Variants in PDGFC observed in about 807,000 individuals in gnomAD.
PDGFC encodes platelet-derived growth factor C.
PDGFC carries 12 observed loss-of-function variants against 35.5 expected under a neutral mutation model. That is an observed-to-expected ratio of 0.34 (90% CI 0.22 to 0.55). PDGFC has a LOEUF of 0.55. Among genes scored for constraint, PDGFC ranks in the 20% least tolerant of loss-of-function variants. The probability of loss-of-function intolerance (pLI) is 0.91; values close to 1 mark genes in which losing one functional copy is unlikely to be tolerated. For synonymous variants in PDGFC, 159 were observed against 148.8 expected (o/e 1.07, Z -0.50); for missense variants, 322 against 412.4 (o/e 0.78, Z 1.90).
chr4:156,773,279 A>C (rs940811156), intron 3 of PDGFC, among the ~76,000 whole-genome samples: 7 of 152,214 alleles, frequency 4.6e-5, no homozygotes, highest in African/African-American at 1.7e-4. Context: ...GTAGTTATGC[A>C]AATTAGTGTC....
chr4:156,961,520 G>A (rs964794547), intron 1 of PDGFC, among the ~76,000 whole-genome samples: 4 of 152,082 alleles, frequency 2.6e-5, no homozygotes, highest in South Asian at 2.1e-4. Context: ...AAAATGGCAT[G>A]GCATCAAGAT....
intron 3 of PDGFC, among the ~76,000 whole-genome samples, chr4:156,804,811 T>C (rs1466920214): frequency 6.6e-6 from 1 of 151,986 alleles, no homozygotes; most frequent in Non-Finnish European, 1.5e-5. Flanking sequence ...ATGGAAAGAG[T>C]TGTGAGGTTG....
Position 156,854,749 on chromosome 4 carries a change from A to G in PDGFC, c.119-4333T>C, listed in dbSNP as rs371433740. Among the ~76,000 whole-genome samples, 51 of 152,220 alleles carry G rather than the reference A, an allele frequency of 3.4e-4. No homozygotes were observed. The East Asian group carries it at 7.5e-3, about 22-fold the overall frequency. On this transcript the variant is annotated intron_variant, in intron 1 of 5. Transcript: ENST00000502773. ...TATTTTAGGGATGAGAAAAGTACCC[A>G]CTTGAGAATATTTTATTGAACATTT... is the stretch of plus-strand genomic sequence containing the variant.
chr4:156,845,773 G>C (rs1729312582), intron 2 of PDGFC, among the ~76,000 whole-genome samples: 1 of 151,740 alleles, frequency 6.6e-6, no homozygotes, highest in African/African-American at 2.4e-5. Flanking sequence ...TTATTAGTAA[G>C]TTAAATAAAA....
intron 3 of PDGFC, among the ~76,000 whole-genome samples, chr4:156,803,448 T>A (rs1731670168): frequency 6.6e-6 from 1 of 152,054 alleles, no homozygotes; most frequent in African/African-American, 2.4e-5. Flanking sequence ...GAAATATCTG[T>A]ATGTGTGGTA....
intron 1 of PDGFC, among the ~76,000 whole-genome samples, chr4:156,892,887 G>T (rs569064494): frequency 6.6e-6 from 1 of 152,244 alleles, no homozygotes; most frequent in South Asian, 2.1e-4. Flanking sequence ...TTTAACATCT[G>T]GGTACTTGCT....
chr4:156,855,628 T>C (rs1298682716), intron 1 of PDGFC, among the ~76,000 whole-genome samples: 2 of 152,204 alleles, frequency 1.3e-5, no homozygotes, highest in Non-Finnish European at 2.9e-5. Context: ...GTGAGATGCA[T>C]GTATTCCCCA....
At chr4:156,794,847 C>G (rs942512114) in intron 3 of PDGFC, among the ~76,000 whole-genome samples, 2 of 151,990 alleles carry the variant, frequency 1.3e-5, no homozygotes, top group African/African-American at 4.8e-5. Flanking sequence ...ATATATATAC[C>G]AAGACACGTT....
chr4:156,893,253 A>T (rs903456350), intron 1 of PDGFC, among the ~76,000 whole-genome samples: 2 of 152,176 alleles, frequency 1.3e-5, no homozygotes, highest in Admixed American at 1.3e-4. Context: ...ATTAAGTAGT[A>T]GCAATACATA....
In PDGFC at chr4:156,824,479, C is replaced by A. The variant is rs199566081; in HGVS notation, c.315-13462G>T. 1.8e-4 allele frequency among the ~76,000 whole-genome samples: 27 copies of A among 151,624 alleles called. No homozygotes were observed. In the East Asian group the frequency reaches 5.3e-3, roughly 29 times the overall value. ...CCTTCACTGTAGTAGAAGACAGATT[C>A]ATCAACAACTAGCAAAAATATTGAG... On this transcript the variant is annotated intron_variant, in intron 2 of 5. Transcript: ENST00000502773.
chr4:156,882,079 C>T (rs920678433), intron 1 of PDGFC, among the ~76,000 whole-genome samples: 3 of 152,052 alleles, frequency 2.0e-5, no homozygotes, highest in African/African-American at 7.2e-5. Flanking sequence ...TGTCTGCATG[C>T]AAACACGCAA....
intron 1 of PDGFC, among the ~76,000 whole-genome samples, chr4:156,909,362 A>G (rs1225392969): frequency 2.6e-5 from 4 of 152,212 alleles, no homozygotes; most frequent in East Asian, 3.8e-4. Context: ...AAACTTCTCT[A>G]AAGTTGGGAC....
intron 3 of PDGFC, among the ~76,000 whole-genome samples, chr4:156,803,073 C>T (rs901434070): frequency 6.6e-6 from 1 of 152,106 alleles, no homozygotes; most frequent in African/African-American, 2.4e-5. Context: ...CAGAAGGAGA[C>T]TGCAAGGATG....
At chr4:156,820,221 T>C (rs921154828) in intron 2 of PDGFC, among the ~76,000 whole-genome samples, 1 of 152,192 alleles carries the variant, frequency 6.6e-6, no homozygotes, top group Non-Finnish European at 1.5e-5. Flanking sequence ...ACTTAGTTGA[T>C]AGAGCAGCAG....
intron 1 of PDGFC, among the ~76,000 whole-genome samples, chr4:156,916,217 T>C (rs1731153875): frequency 6.6e-6 from 1 of 152,136 alleles, no homozygotes; most frequent in Non-Finnish European, 1.5e-5. Flanking sequence ...TTTACGATAT[T>C]TACAGTCTAA....
intron 2 of PDGFC, among the ~76,000 whole-genome samples, chr4:156,830,344 T>C (rs886330561): frequency 5.3e-5 from 8 of 151,814 alleles, no homozygotes; most frequent in African/African-American, 1.9e-4. Context: ...TATGAGAACT[T>C]ACGCACCTCA....
At chr4:156,800,595 A>T (rs1731575726) in intron 3 of PDGFC, among the ~76,000 whole-genome samples, 1 of 152,202 alleles carries the variant, frequency 6.6e-6, no homozygotes, top group South Asian at 2.1e-4. Context: ...GCATTTTCTC[A>T]AATGTGTGGA....
chr4:156,769,097 TCTC>T (rs1560803507), intron 4 of PDGFC, among the ~76,000 whole-genome samples: 1 of 151,822 alleles, frequency 6.6e-6, no homozygotes, highest in South Asian at 2.1e-4. Context: ...AGGGTTTTTT[TCTC>T]CTAATAAAGT....
At chr4:156,771,092 A>G (rs1730681681) in intron 4 of PDGFC, among the ~76,000 whole-genome samples, 1 of 152,186 alleles carries the variant, frequency 6.6e-6, no homozygotes, top group Admixed American at 6.6e-5. Flanking sequence ...AAGTTAATAA[A>G]TTTGGAAAAC....
Sources: gnomAD v4.1 joint callset for allele counts (sites outside exome capture counted in the v4.1 genomes callset) on GRCh38, gnomAD v4.1.1 for gene constraint, MANE v1.5 for transcripts, NCBI Gene and HGNC (gene_info 2026-07-23, HGNC 2026-07-21) for gene names.